GRM8: variants seen among roughly 807,000 people sequenced by gnomAD.
GRM8 encodes the protein glutamate metabotropic receptor 8.
A neutral mutation model predicts 87.2 loss-of-function variants in GRM8; 47 were observed. That is an observed-to-expected ratio of 0.54 (90% CI 0.43 to 0.69). The LOEUF (loss-of-function observed/expected upper bound fraction) is 0.69. Ranked by LOEUF, GRM8 falls within the 30% of genes least tolerant of loss-of-function variation. The pLI, the probability that GRM8 is intolerant of heterozygous loss-of-function variation, is 0.00. For synonymous variants in GRM8, 396 were observed against 404.5 expected (o/e 0.98, Z 0.25); for missense variants, 1,019 against 1,139.2 (o/e 0.89, Z 1.52).
chr7:126,809,241 A>G (rs1007296454), intron 6 of GRM8, among the ~76,000 whole-genome samples: 2 of 152,156 alleles, frequency 1.3e-5, no homozygotes, highest in Admixed American at 1.3e-4. Flanking sequence ...AAAGTCAACT[A>G]ATTAGCAATC....
At chr7:126,855,783 A>AT (rs898564100) in intron 6 of GRM8, among the ~76,000 whole-genome samples, 3 of 151,942 alleles carry the variant, frequency 2.0e-5, no homozygotes, top group African/African-American at 7.2e-5. Flanking sequence ...CCCTCTTATG[A>AT]TTTTTTATAT....
intron 3 of GRM8, among the ~76,000 whole-genome samples, chr7:126,954,691 A>T (rs1229375401): frequency 6.6e-6 from 1 of 152,206 alleles, no homozygotes; most frequent in African/African-American, 2.4e-5. Context: ...AACTGAGATA[A>T]TAATAACAAT....
At chr7:126,984,146 T>A (rs1379489719) in intron 3 of GRM8, among the ~76,000 whole-genome samples, 1 of 152,220 alleles carries the variant, frequency 6.6e-6, no homozygotes, top group Non-Finnish European at 1.5e-5. Context: ...TGGGGATTGG[T>A]GTGTTTCCAG....
rs1338535174 is a variant in GRM8 at position 126,905,508 on chromosome 7, G to T, written c.728-825C>A. 2.0e-5 allele frequency among the ~76,000 whole-genome samples: 3 copies of T among 152,178 alleles called. No homozygotes were observed. In the East Asian group the frequency reaches 5.8e-4, roughly 29 times the overall value. On this transcript the variant is annotated intron_variant, in intron 3 of 10. Coordinates refer to ENST00000339582, the MANE Select transcript of GRM8 (RefSeq NM_000845.3). ...GCAATATTAGTAATAGGTTTCAACT[G>T]CATTATGGTATAAACAGTATTTTTT...
chr7:126,994,540 G>A (rs1194096264), intron 3 of GRM8, among the ~76,000 whole-genome samples: 2 of 152,168 alleles, frequency 1.3e-5, no homozygotes, highest in Non-Finnish European at 2.9e-5. Context: ...AGGCCTGGCA[G>A]CATTGACCAC....
rs565023144 is a variant in GRM8 at position 127,170,936 on chromosome 7, C to T, written c.511-64224G>A. ...TGCACCAAAATTTCAGAAATCACCA[C>T]TAAAGAACTTATTCATGTAACCAAA... On this transcript the variant is annotated intron_variant, in intron 2 of 10. Transcript: ENST00000339582. Among the ~76,000 whole-genome samples, 3 of 152,132 alleles carry T rather than the reference C, an allele frequency of 2.0e-5. No individual in the cohort carries two copies. The South Asian group carries it at 6.2e-4, about 32-fold the overall frequency.
At chr7:126,707,163 A>G (rs1173050682) in intron 7 of GRM8, among the ~76,000 whole-genome samples, 4 of 152,140 alleles carry the variant, frequency 2.6e-5, no homozygotes, top group African/African-American at 9.7e-5. Flanking sequence ...GTCTAATGAA[A>G]AAAGAAATCC....
At chr7:126,848,605 G>A (rs1796923604) in intron 6 of GRM8, among the ~76,000 whole-genome samples, 1 of 152,036 alleles carries the variant, frequency 6.6e-6, no homozygotes, top group African/African-American at 2.4e-5. Flanking sequence ...CAGATCACTT[G>A]TGGCCAGAAA....
chr7:126,549,252 T>C (rs1792299701), intron 8 of GRM8, among the ~76,000 whole-genome samples: 1 of 151,910 alleles, frequency 6.6e-6, no homozygotes. Context: ...AAATCAAAGA[T>C]ATGAGGAAAG....
chr7:126,650,791 C>G (rs891517563), intron 7 of GRM8, among the ~76,000 whole-genome samples: 7 of 151,760 alleles, frequency 4.6e-5, no homozygotes, highest in Non-Finnish European at 1.0e-4. Context: ...CAATGGATAC[C>G]ACTCAGCCTC....
intron 9 of GRM8, among the ~76,000 whole-genome samples, chr7:126,449,331 T>C (rs1056183417): frequency 6.6e-6 from 1 of 151,784 alleles, no homozygotes; most frequent in African/African-American, 2.4e-5. Flanking sequence ...AGTAAGTTCT[T>C]ATCTATGTCA....
At chr7:126,896,731 C>A (rs894651355) in intron 6 of GRM8, among the ~76,000 whole-genome samples, 1 of 152,116 alleles carries the variant, frequency 6.6e-6, no homozygotes, top group African/African-American at 2.4e-5. Flanking sequence ...GTTGCTTTTT[C>A]CATTACCGCT....
intron 3 of GRM8, among the ~76,000 whole-genome samples, chr7:126,996,467 TAAA>T (rs1813184660): frequency 1.3e-5 from 2 of 151,926 alleles, no homozygotes; most frequent in African/African-American, 4.8e-5. Context: ...ACATAAAATG[TAAA>T]TGAACTAAAC....
intron 6 of GRM8, among the ~76,000 whole-genome samples, chr7:126,873,853 A>T (rs1200249074): frequency 2.0e-5 from 3 of 152,148 alleles, no homozygotes; most frequent in Admixed American, 6.5e-5. Context: ...ATGCATAAAA[A>T]GTCTGCTAAT....
At chr7:126,702,598 C>T (rs1221529376) in intron 7 of GRM8, among the ~76,000 whole-genome samples, 1 of 152,116 alleles carries the variant, frequency 6.6e-6, no homozygotes, top group African/African-American at 2.4e-5. Flanking sequence ...GGTTCTGACC[C>T]CACTTCCTGA....
At position 126,743,735 on chromosome 7, in the gene GRM8, G is replaced by A. The variant is rs79883710; in HGVS notation, c.1357+26130C>T. On this transcript the variant is annotated intron_variant, in intron 7 of 10. Coordinates refer to ENST00000339582, the MANE Select transcript of GRM8 (RefSeq NM_000845.3). ...CTGTTTCTTCTTACTTCATACAATA[G>A]TACTTACAGAGAGAAATTATTTAGA... is the stretch of plus-strand genomic sequence containing the variant. Among the ~76,000 whole-genome samples the A allele has an allele frequency of 4.4e-3, 665 of 152,060 alleles. 7 individuals are homozygous for A. Among genetic ancestry groups the A allele is most frequent in the South Asian group, 0.034 (162 of 4,818 alleles).
intron 3 of GRM8, among the ~76,000 whole-genome samples, chr7:127,103,944 T>C (rs971174759): frequency 6.6e-6 from 1 of 152,190 alleles, no homozygotes; most frequent in Non-Finnish European, 1.5e-5. Flanking sequence ...ATAAACTTCA[T>C]TCTCCCAGAT....
chr7:127,065,138 T>C (rs753205580), intron 3 of GRM8, among the ~76,000 whole-genome samples: 3 of 152,170 alleles, frequency 2.0e-5, no homozygotes, highest in Admixed American at 6.5e-5. Context: ...CAATGACAGA[T>C]TGAATAAAGG....
At chr7:126,856,137 T>C (rs1315250421) in intron 6 of GRM8, among the ~76,000 whole-genome samples, 3 of 152,136 alleles carry the variant, frequency 2.0e-5, no homozygotes, top group Non-Finnish European at 4.4e-5. Flanking sequence ...TTTTTATTCC[T>C]GAACTCAAAT....
Sources: gnomAD v4.1 joint callset for allele counts (sites outside exome capture counted in the v4.1 genomes callset) on GRCh38, gnomAD v4.1.1 for gene constraint, MANE v1.5 for transcripts, NCBI Gene and HGNC (gene_info 2026-07-23, HGNC 2026-07-21) for gene names.